TTN: variants seen among roughly 807,000 people sequenced by gnomAD.
The protein encoded by TTN is connectin.
Under a neutral mutation model 3,223.0 loss-of-function variants are expected in TTN, and 1,525 were observed. The observed-to-expected ratio is 0.47, with a 90% CI of 0.45 to 0.49. The LOEUF is 0.49. Ranked by LOEUF, TTN falls within the 20% of genes least tolerant of loss-of-function variation. The probability of loss-of-function intolerance (pLI) is 0.00; values close to 1 mark genes in which losing one functional copy is unlikely to be tolerated. For synonymous variants in TTN, 14,094 were observed against 15,161.0 expected (o/e 0.93, Z 5.17); for missense variants, 40,786 against 43,424.0 (o/e 0.94, Z 5.40).
In TTN at chr2:178,729,551, A is replaced by G. The variant is rs1298665270; in HGVS notation, c.18605T>C (p.Ile6202Thr). The change falls in exon 64 of 363, where the codon ATC (isoleucine) becomes ACC (threonine). Residue 6202 changes from isoleucine (I) to threonine (T), a missense_variant. Physicochemically the swap from Ile to Thr is moderately conservative, Grantham distance 89 (BLOSUM62 -1). Transcript: ENST00000589042. ...TACCTCCACAGGCTTCAGCTCTCTG[A>G]TAAAGGTGGGGGGTTCTAAAGATTC... ...ELKVKEPPTF[I>T]RELKPVEVVK... The G allele has an allele frequency of 6.2e-6, 10 of 1,612,666 alleles. No individual in the cohort carries two copies. The highest frequency in any genetic ancestry group is 1.7e-5 in the Admixed American group (1 of 59,880).
intron 335 of TTN, 97 bp downstream of exon 335, chr2:178,551,533 T>G (rs1358225715): frequency 1.9e-6 from 2 of 1,067,862 alleles, no homozygotes; most frequent in African/African-American, 1.6e-5. Flanking sequence ...AGAAGATATG[T>G]AAGAAGGTGA....
Position 178,756,427 on chromosome 2 carries a change from T to C in TTN, c.11049A>G (p.Leu3683=). 1 of 1,613,842 alleles carries C rather than the reference T, an allele frequency of 6.2e-7. No individual in the cohort carries two copies. The highest frequency in any genetic ancestry group is 8.5e-7 in the Non-Finnish European group (1 of 1,179,820). The change falls in exon 46 of 363, where the codon TTA becomes TTG. Residue 3683 remains leucine (L), a synonymous_variant. Transcript: ENST00000589042. ...TTACATCAATGAAAGAATCATCTTTTAAAACACAGAGGAATTGAGCCGTGT... is the reference window on the plus strand; with the variant it reads ...TTACATCAATGAAAGAATCATCTTTCAAAACACAGAGGAATTGAGCCGTGT... ...CGDTAQFLCV[L]KDDSFIDVTW... is the part of the protein sequence containing the mutation.
In TTN at chr2:178,782,224, G is replaced by T; in HGVS notation, c.3368C>A (p.Thr1123Asn). The T allele has an allele frequency of 6.2e-7, 1 of 1,614,124 alleles. No individual in the cohort carries two copies. The highest frequency in any genetic ancestry group is 8.5e-7 in the Non-Finnish European group (1 of 1,179,998). ...GCCATCAAAATACCTGTATCCAGTG[G>T]TTAGAGGAACACCAGATTTTTTCCA... ...VYWKKSGVPL[T>N]TGYRYKVSYN... The change falls in exon 20 of 363, where the codon ACC (threonine) becomes AAC (asparagine). Residue 1123 changes from threonine (T) to asparagine (N), a missense_variant. Physicochemically the swap from Thr to Asn is moderately conservative, Grantham distance 65. Transcript: ENST00000589042.
intron 47 of TTN, chr2:178,747,935 A>T (rs545252922): frequency 1.2e-6 from 2 of 1,613,050 alleles, no homozygotes; most frequent in East Asian, 4.5e-5. Flanking sequence ...CTGTCTATGG[A>T]GTGTGTCAGC....
In TTN at chr2:178,773,665, A is replaced by T; in HGVS notation, c.7391T>A (p.Leu2464His). 1.2e-6 allele frequency: 2 copies of T among 1,614,070 alleles called. No homozygotes were observed. The highest frequency in any genetic ancestry group is 1.7e-6 in the Non-Finnish European group (2 of 1,179,978). Residue 2464 changes from leucine (L) to histidine (H), a missense_variant, in exon 32 of 363, where the codon CTT becomes CAT. Leu to His is a moderately conservative substitution (Grantham distance 99). Coordinates refer to ENST00000589042, the MANE Select transcript of TTN (RefSeq NM_001267550.2). ...VNVIEGTKAVLECKVSVPDVT... is the reference protein window; with the variant it reads ...VNVIEGTKAVHECKVSVPDVT... ...ATCAGGGACTGACACCTTACATTCA[A>T]GCACAGCCTTGGTGCCTTCAATCAC...
chr2:178,534,303 C>T lies in TTN; in HGVS notation c.102312G>A (p.Met34104Ile). 4 of 1,613,782 alleles carry T rather than the reference C, an allele frequency of 2.5e-6. No homozygotes were observed. Among genetic ancestry groups the T allele is most frequent in the Non-Finnish European group, 3.4e-6 (4 of 1,179,844 alleles). Residue 34104 changes from methionine (M) to isoleucine (I), a missense_variant, in exon 358 of 363, where the codon ATG becomes ATA. Coordinates refer to ENST00000589042, the MANE Select transcript of TTN (RefSeq NM_001267550.2). ...YHTLIKKDLN[M>I]VVSAARISCG... ...AGGAGATCCGGGCTGCTGACACAAC[C>T]ATGTTGAGGTCTTTCTTGATCAGGG...
chr2:178,650,774 C>G lies in TTN; in HGVS notation c.39686G>C (p.Arg13229Thr). ...EEKPAVPVPERAESPPPEVYE... is the reference protein window; with the variant it reads ...EEKPAVPVPETAESPPPEVYE... ...ACCTTCTGGGGGAGGAGACTCCGCT[C>G]TTTCTGGAACAGGAACAGCTGGTTT... Residue 13229 changes from arginine to threonine, a missense_variant, in exon 209 of 363, where the codon AGA (arginine) becomes ACA (threonine). Coordinates refer to ENST00000589042, the MANE Select transcript of TTN (RefSeq NM_001267550.2). 6.2e-7 allele frequency: 1 copy of G among 1,607,272 alleles called. No homozygotes were observed. Among genetic ancestry groups the G allele is most frequent in the East Asian group, 2.2e-5 (1 of 44,538 alleles).
intron 13 of TTN, 122 bp from the exon 14 acceptor site, chr2:178,786,263 T>C: frequency 9.7e-7 from 1 of 1,031,576 alleles, no homozygotes; most frequent in Admixed American, 2.1e-5. Flanking sequence ...TGTCTAGAAA[T>C]GTATCTCAGA....
At chr2:178,803,060 T>A (rs1233400393) in intron 2 of TTN, among the ~76,000 whole-genome samples, 2 of 152,238 alleles carry the variant, frequency 1.3e-5, no homozygotes, top group Non-Finnish European at 2.9e-5. Flanking sequence ...ATATTAAAAC[T>A]CTGTACATTG....
chr2:178,556,813 T>C (rs769105767), intron 330 of TTN, 35 bp downstream of exon 330: 28 of 1,608,010 alleles, frequency 1.7e-5, no homozygotes, highest in East Asian at 2.2e-5. Context: ...CTGAGTTAAA[T>C]AGCAATTTTG....
chr2:178,604,266 C>A lies in TTN; in HGVS notation c.54421G>T (p.Val18141Phe). The A allele has an allele frequency of 1.3e-6, 2 of 1,558,012 alleles. No homozygotes were observed. Among genetic ancestry groups the A allele is most frequent in the Admixed American group, 1.9e-5 (1 of 53,984 alleles). ...ATTCCATATTTATTCACTGCCCTGA[C>A]TCGGAACTCATACTGACCATTGGGG... ...LIPNGQYEFR[V>F]RAVNKYGISD... Residue 18141 changes from valine to phenylalanine, a missense_variant, in exon 282 of 363, where the codon GTC (valine) becomes TTC (phenylalanine). Physicochemically the swap from Val to Phe is conservative, Grantham distance 50. Coordinates refer to ENST00000589042, the MANE Select transcript of TTN (RefSeq NM_001267550.2).
chr2:178,664,391 A>T (rs961392124), intron 168 of TTN, 69 bp downstream of exon 168: 2 of 1,252,862 alleles, frequency 1.6e-6, no homozygotes, highest in African/African-American at 1.5e-5. Context: ...TAATTTTCAA[A>T]ACTAGAAAGG....
At position 178,529,265 on chromosome 2, in the gene TTN, C is replaced by G. The variant is rs1360998087; in HGVS notation, c.106532-46G>C. The stretch of plus-strand genomic sequence containing the variant: ...AGGCAAACTTAATTAGAAAGAGACC[C>G]CCACCTTTTACTCTTCTAGATTCTG... On this transcript the variant is annotated intron_variant, in intron 359 of 362. Transcript: ENST00000589042. 2.2e-6 allele frequency: 3 copies of G among 1,340,278 alleles called. No individual in the cohort carries two copies. The Admixed American group carries it at 9.2e-5, about 41-fold the overall frequency. 83.0% of individuals were successfully genotyped at this position (1,340,278 alleles called of 1,614,324 possible). A position where few individuals can be genotyped will look rare whatever the true frequency, so the allele number is the denominator to read the frequency against.
rs776266943 is a variant in TTN, at chr2:178,602,148, C to T, written c.55123G>A (p.Glu18375Lys). 5 of 1,603,716 alleles carry T rather than the reference C, an allele frequency of 3.1e-6. No individual in the cohort carries two copies. Among genetic ancestry groups the T allele is most frequent in the Non-Finnish European group, 4.3e-6 (5 of 1,174,952 alleles). The change falls in exon 284 of 363, where the codon GAA (glutamate) becomes AAA (lysine). Residue 18375 changes from glutamate (E) to lysine (K), a missense_variant and splice_region_variant. Coordinates refer to ENST00000589042, the MANE Select transcript of TTN (RefSeq NM_001267550.2). ...CCAATGTCAATGAAAACTTCTGGTT[C>T]CTCTGTAATACCACATACAATTTAA... ...GEIPATDIQE[E>K]PEVFIDIGAQ...
At position 178,611,601 on chromosome 2, in the gene TTN, T is replaced by C. The variant is rs1394923227; in HGVS notation, c.50628A>G (p.Pro16876=). ...RKHIAIAWKP[P]EKNGGSPIIG... The stretch of plus-strand genomic sequence containing the variant: ...TGATAGGACTTCCACCATTTTTCTC[T>C]GGAGGCTTCCAAGCAATGGCAATGT... Residue 16876 remains proline (P), a synonymous_variant, in exon 269 of 363, where the codon CCA becomes CCG. Transcript: ENST00000589042. 1 of 1,612,942 alleles carries C rather than the reference T, an allele frequency of 6.2e-7. No individual in the cohort carries two copies. Among genetic ancestry groups the C allele is most frequent in the African/African-American group, 1.3e-5 (1 of 74,884 alleles).
At chr2:178,751,396 T>C in intron 47 of TTN, 1 of 1,608,206 alleles carries the variant, frequency 6.2e-7, no homozygotes, top group Non-Finnish European at 8.5e-7. Flanking sequence ...ACATGTAATC[T>C]GTTTTCTTGG....
At chr2:178,749,217 T>C in intron 47 of TTN, 1 of 1,611,214 alleles carries the variant, frequency 6.2e-7, no homozygotes, top group Middle Eastern at 1.7e-4. Flanking sequence ...TTATTTCTTA[T>C]TTCTTTCTTA....
rs780512337 is a variant in TTN at position 178,565,638 on chromosome 2, C to T, written c.80494G>A (p.Glu26832Lys). The T allele has an allele frequency of 1.9e-6, 3 of 1,613,630 alleles. No homozygotes were observed. The highest frequency in any genetic ancestry group is 2.5e-6 in the Non-Finnish European group (3 of 1,179,646). Reference protein sequence around the residue: ...KGTEKWSIVAESKVCNAVVTG... With the variant: ...KGTEKWSIVAKSKVCNAVVTG... ...ACAACTGCATTACAGACTTTGGATT[C>T]AGCCACAATGCTCCATTTTTCAGTT... is the stretch of plus-strand genomic sequence containing the variant. Residue 26832 changes from glutamate to lysine, a missense_variant, in exon 326 of 363, where the codon GAA (glutamate) becomes AAA (lysine). Transcript: ENST00000589042.
intron 126 of TTN, 108 bp from the exon 127 acceptor site, chr2:178,688,332 T>G (rs1223189622): frequency 1.0e-6 from 1 of 999,114 alleles, no homozygotes; most frequent in East Asian, 2.4e-5. Flanking sequence ...GCTTAGGACA[T>G]AGCTTCATGG....
Sources: gnomAD v4.1 joint callset for allele counts (sites outside exome capture counted in the v4.1 genomes callset) on GRCh38, gnomAD v4.1.1 for gene constraint, MANE v1.5 for transcripts, NCBI Gene and HGNC (gene_info 2026-07-23, HGNC 2026-07-21) for gene names.